Variants in MARK1 observed in about 807,000 individuals in gnomAD.
MARK1 encodes the protein serine/threonine-protein kinase MARK1.
A neutral mutation model predicts 96.3 loss-of-function variants in MARK1; 40 were observed. The ratio of observed to expected loss-of-function variants is 0.42; its 90% CI spans 0.32 to 0.54. The LOEUF (loss-of-function observed/expected upper bound fraction) is 0.54. Among genes scored for constraint, MARK1 ranks in the 20% least tolerant of loss-of-function variants. The pLI, the probability that MARK1 is intolerant of heterozygous loss-of-function variation, is 0.16. For synonymous variants in MARK1, 317 were observed against 341.2 expected, an observed-to-expected ratio of 0.93 and a Z score of 0.78; for missense variants, 719 against 984.6, an observed-to-expected ratio of 0.73 and a Z score of 3.61.
chr1:220,591,451 T>C (rs899867854), intron 3 of MARK1, among the ~76,000 whole-genome samples: 3 of 152,162 alleles, frequency 2.0e-5, no homozygotes, highest in Non-Finnish European at 2.9e-5. Context: ...ATACTGTAAT[T>C]TGATGTACTT....
At chr1:220,603,924 G>T (rs1053039857) in intron 5 of MARK1, 143 bp from the exon 6 acceptor site, 7 of 479,496 alleles carry the variant, frequency 1.5e-5, no homozygotes, top group African/African-American at 4.0e-5. Context: ...TTCTATTCAT[G>T]TGTTAGTTTG....
At position 220,660,686 on chromosome 1, in the gene MARK1, C is replaced by T. The variant is rs1005663403; in HGVS notation, c.2034-1126C>T. Among the ~76,000 whole-genome samples, 3 of 152,106 alleles carry T rather than the reference C, an allele frequency of 2.0e-5. No individual in the cohort carries two copies. The South Asian group carries it at 6.2e-4, about 32-fold the overall frequency. On this transcript the variant is annotated intron_variant, in intron 17 of 17. Coordinates refer to ENST00000366917, the MANE Select transcript of MARK1 (RefSeq NM_018650.5). ...AACTTTGATGAAGCTATGAAGGTTTCTTTCTATGACTGTTTGAAATAGGCT... is the reference window on the plus strand; with the variant it reads ...AACTTTGATGAAGCTATGAAGGTTTTTTTCTATGACTGTTTGAAATAGGCT...
intron 6 of MARK1, among the ~76,000 whole-genome samples, chr1:220,612,952 C>A (rs1050404781): frequency 6.6e-6 from 1 of 151,996 alleles, no homozygotes; most frequent in African/African-American, 2.4e-5. Flanking sequence ...TGATTCAATT[C>A]TTGCAATATC....
intron 17 of MARK1, among the ~76,000 whole-genome samples, chr1:220,659,467 G>A (rs184907220): frequency 4.6e-5 from 7 of 152,136 alleles, no homozygotes; most frequent in African/African-American, 1.4e-4. Flanking sequence ...TCAACTCTGC[G>A]TGCCTCCATT....
intron 9 of MARK1, chr1:220,626,254 G>C: frequency 1.9e-6 from 1 of 531,062 alleles, no homozygotes; most frequent in Admixed American, 2.0e-5. Context: ...GCTGTATATT[G>C]ACATTGATAT....
intron 16 of MARK1, among the ~76,000 whole-genome samples, chr1:220,657,112 C>T (rs1669217734): frequency 6.6e-6 from 1 of 152,090 alleles, no homozygotes; most frequent in Non-Finnish European, 1.5e-5. Flanking sequence ...AATAACAAAG[C>T]ATTAAAATTT....
chr1:220,609,450 C>T (rs2102940602), intron 6 of MARK1, among the ~76,000 whole-genome samples: 1 of 152,276 alleles, frequency 6.6e-6, no homozygotes, highest in African/African-American at 2.4e-5. Context: ...ATGTGTGTCT[C>T]TGCACATGAG....
At chr1:220,579,184 A>G (rs533686998) in intron 1 of MARK1, among the ~76,000 whole-genome samples, 170 bp from the exon 2 acceptor site, 1 of 152,288 alleles carries the variant, frequency 6.6e-6, no homozygotes, top group East Asian at 1.9e-4. Flanking sequence ...TACCTGGTAA[A>G]GGGAGCTGAA....
chr1:220,595,408 A>G (rs565164055), intron 3 of MARK1, among the ~76,000 whole-genome samples: 3 of 152,308 alleles, frequency 2.0e-5, no homozygotes, highest in African/African-American at 7.2e-5. Context: ...GGAGGTGAAG[A>G]GTTCAAAACT....
intron 1 of MARK1, 31 bp downstream of exon 1, chr1:220,528,904 TG>T: frequency 1.3e-6 from 2 of 1,543,778 alleles, no homozygotes; most frequent in South Asian, 1.2e-5. Context: ...TCGGGAGCAG[TG>T]GGGGCGAGAC....
intron 1 of MARK1, among the ~76,000 whole-genome samples, chr1:220,533,395 C>T (rs1014392281): frequency 1.3e-5 from 2 of 151,974 alleles, no homozygotes; most frequent in African/African-American, 4.8e-5. Context: ...AAATCCAGTT[C>T]ATATAGAATT....
chr1:220,580,958 G>A (rs1051657974), intron 2 of MARK1, 107 bp from the exon 3 acceptor site: 6 of 408,940 alleles, frequency 1.5e-5, no homozygotes, highest in South Asian at 9.4e-5. Context: ...CCTAAAAAGA[G>A]CTAAATTATA....
chr1:220,599,894 T>C (rs755869783), intron 5 of MARK1, 31 bp downstream of exon 5: 103 of 1,471,214 alleles, frequency 7.0e-5, no homozygotes, highest in Non-Finnish European at 9.6e-5. Flanking sequence ...AAAGTTCTCT[T>C]TGCTGAGACA....
intron 13 of MARK1, among the ~76,000 whole-genome samples, chr1:220,639,432 T>C (rs1317764723): frequency 6.6e-6 from 1 of 152,216 alleles, no homozygotes; most frequent in African/African-American, 2.4e-5. Flanking sequence ...ATCTTTTTAA[T>C]AGATGCATAT....
At chr1:220,627,200 A>G in intron 9 of MARK1, 1 of 475,446 alleles carries the variant, frequency 2.1e-6, no homozygotes, top group South Asian at 1.7e-5. Flanking sequence ...AGCGAAGAAG[A>G]CCCTGACAAA....
intron 14 of MARK1, 42 bp from the exon 15 acceptor site, chr1:220,651,944 C>A: frequency 6.9e-7 from 1 of 1,443,692 alleles, no homozygotes. Context: ...ACAAATTTTC[C>A]TCTTTTTTTC....
intron 6 of MARK1, among the ~76,000 whole-genome samples, chr1:220,605,404 A>AT (rs1276753555): frequency 6.6e-6 from 1 of 152,138 alleles, no homozygotes; most frequent in Non-Finnish European, 1.5e-5. Context: ...GTACTGTAAT[A>AT]TTATTTTCTA....
chr1:220,598,290 T>C, intron 3 of MARK1, 41 bp from the exon 4 acceptor site: 1 of 537,744 alleles, frequency 1.9e-6, no homozygotes, highest in Non-Finnish European at 3.5e-6. Flanking sequence ...GCTTGCTTGT[T>C]TTTTTTTAAC....
intron 1 of MARK1, among the ~76,000 whole-genome samples, chr1:220,574,918 C>G (rs998862363): frequency 1.3e-5 from 2 of 152,176 alleles, no homozygotes; most frequent in African/African-American, 4.8e-5. Context: ...GCTGTGACAG[C>G]CCTACCTTCA....
Sources: gnomAD v4.1 joint callset for allele counts (sites outside exome capture counted in the v4.1 genomes callset) on GRCh38, gnomAD v4.1.1 for gene constraint, MANE v1.5 for transcripts, NCBI Gene and HGNC (gene_info 2026-07-23, HGNC 2026-07-21) for gene names.